Variants in MKKS observed in about 807,000 individuals in gnomAD.
MKKS encodes the protein molecular chaperone MKKS.
In MKKS, 29 loss-of-function variants were observed where a neutral mutation model predicts 33.2. That is an observed-to-expected ratio of 0.87 (90% confidence interval 0.65 to 1.19). The LOEUF is 1.19. Ranked by LOEUF, MKKS falls within the 50% of genes most tolerant of loss-of-function variation. The pLI is 0.00. For synonymous variants in MKKS, 260 were observed against 244.0 expected (o/e 1.07, Z -0.61); for missense variants, 661 against 662.3 (o/e 1.00, Z 0.02).
chr20:10,410,545 T>C (rs2064876320), intron 3 of MKKS, among the ~76,000 whole-genome samples: 1 of 152,110 alleles, frequency 6.6e-6, no homozygotes. Context: ...ACAGAATTGC[T>C]TGAACCCAGG....
intron 1 of MKKS, among the ~76,000 whole-genome samples, chr20:10,425,045 C>A (rs1253343074): frequency 6.8e-6 from 1 of 146,830 alleles, no homozygotes. Flanking sequence ...AAGAGCTAAA[C>A]TCCGTCTCAA....
At chr20:10,428,754 G>A (rs562184716) in intron 1 of MKKS, among the ~76,000 whole-genome samples, 3 of 152,252 alleles carry the variant, frequency 2.0e-5, no homozygotes, top group South Asian at 4.2e-4. Flanking sequence ...CAGGAGAATC[G>A]CTTGAATCCA....
At chr20:10,414,262 A>G in intron 2 of MKKS, among the ~76,000 whole-genome samples, 4 of 135,806 alleles carry the variant, frequency 2.9e-5, no homozygotes, top group East Asian at 2.4e-4. Flanking sequence ...TAGGTCTCTG[A>G]GTCTTTTTTT....
At position 10,413,234 on chromosome 20, in the gene MKKS, A is replaced by C. The variant is rs141181516; in HGVS notation, c.281T>G (p.Phe94Cys). 8.1e-6 allele frequency: 13 copies of C among 1,614,078 alleles called. No homozygotes were observed. In the African/African-American group the frequency reaches 1.7e-4, roughly 22 times the overall value. ...CAGGTTGCAGCAAAGAATAGCTGTG[A>C]ATAAGCCACAATCACTGAAGCTTGA... Reference protein sequence around the residue: ...HVSSFSDCGLFTAILCCNLIE... With the variant: ...HVSSFSDCGLCTAILCCNLIE... Residue 94 changes from phenylalanine to cysteine, a missense_variant, in exon 3 of 6, where the codon TTC (phenylalanine) becomes TGC (cysteine). Physicochemically the swap from Phe to Cys is radical, Grantham distance 205. Transcript: ENST00000347364.
At chr20:10,407,456 G>A (rs887414069) in intron 5 of MKKS, among the ~76,000 whole-genome samples, 160 bp downstream of exon 5, 1 of 152,096 alleles carries the variant, frequency 6.6e-6, no homozygotes, top group Admixed American at 6.6e-5. Flanking sequence ...CAGTGTTAAA[G>A]GCTACAAGTT....
intron 1 of MKKS, among the ~76,000 whole-genome samples, chr20:10,424,629 C>T (rs1001599246): frequency 1.3e-5 from 2 of 151,936 alleles, no homozygotes; most frequent in Non-Finnish European, 2.9e-5. Context: ...TGGTAGTTAG[C>T]GAGGTAATGT....
chr20:10,412,425 G>T, intron 3 of MKKS, 105 bp downstream of exon 3: 1 of 1,107,638 alleles, frequency 9.0e-7, no homozygotes, highest in Non-Finnish European at 1.4e-6. Flanking sequence ...ACACATGCTG[G>T]GTCAATTTTT....
rs1367779831 is a variant in MKKS, at chr20:10,404,778, TAA to T, written c.*467_*468del. 6.6e-6 allele frequency: 1 copy of T among 152,662 alleles called. No individual in the cohort carries two copies. Among genetic ancestry groups the T allele is most frequent in the African/African-American group, 2.4e-5 (1 of 41,462 alleles). 9.5% of individuals were successfully genotyped at this position (152,662 alleles called of 1,614,324 possible). ...GGCATGGAGAAAAGTGAAATTTTAC[TAA>T]ATGTGCAGTTTGAATACTTCTTTTG... On this transcript the variant is annotated 3_prime_UTR_variant, in exon 6 of 6. Transcript: ENST00000347364.
At chr20:10,425,754 C>A (rs1204006372) in intron 1 of MKKS, among the ~76,000 whole-genome samples, 1 of 152,156 alleles carries the variant, frequency 6.6e-6, no homozygotes, top group Non-Finnish European at 1.5e-5. Flanking sequence ...GTTTGATGCT[C>A]ATTTATTGAA....
At chr20:10,427,069 C>CACACACACACACAA (rs2065020712) in intron 1 of MKKS, among the ~76,000 whole-genome samples, 1 of 125,878 alleles carries the variant, frequency 7.9e-6, no homozygotes, top group South Asian at 2.4e-4. Context: ...CACACACACA[C>CACACACACACACAA]ACACACACAC....
chr20:10,407,759 G>A (rs1296701903), intron 4 of MKKS, 33 bp from the exon 5 acceptor site: 16 of 1,479,612 alleles, frequency 1.1e-5, no homozygotes, highest in South Asian at 2.3e-5. Flanking sequence ...AGAATCAGAC[G>A]TTCACATCAT....
At chr20:10,427,883 A>T (rs1031247991) in intron 1 of MKKS, among the ~76,000 whole-genome samples, 1 of 152,174 alleles carries the variant, frequency 6.6e-6, no homozygotes, top group African/African-American at 2.4e-5. Context: ...CCACCAAACC[A>T]TTCAAGGTCA....
chr20:10,428,616 A>G (rs3790156), intron 1 of MKKS, among the ~76,000 whole-genome samples: 125,471 of 152,104 alleles, frequency 0.82, 52,373 homozygotes, highest in African/African-American at 0.93. Flanking sequence ...AGGAAGGTGG[A>G]TCACTTGAGG....
intron 1 of MKKS, among the ~76,000 whole-genome samples, chr20:10,433,887 A>T (rs2065075563): frequency 6.6e-6 from 1 of 152,160 alleles, no homozygotes; most frequent in African/African-American, 2.4e-5. Context: ...CGCCGCCCGC[A>T]TCCGTGCCGA....
In MKKS at chr20:10,405,628, T is replaced by C. The variant is rs759624565; in HGVS notation, c.1332A>G (p.Gln444=). ...CACTGCAAAATGCTTCAGCAATTAA[T>C]TGAAGTTCTGTTTGAGTACATTCAT... The part of the protein sequence containing the change: ...KDDECTQTEL[Q]LIAEAFCSAL... The change falls in exon 6 of 6, where the codon CAA becomes CAG. Residue 444 remains glutamine (Q), a synonymous_variant. Coordinates refer to ENST00000347364, the MANE Select transcript of MKKS (RefSeq NM_170784.3). 1.8e-5 allele frequency: 29 copies of C among 1,614,088 alleles called. No homozygotes were observed. The highest frequency in any genetic ancestry group is 2.4e-5 in the Non-Finnish European group (28 of 1,180,022).
intron 2 of MKKS, among the ~76,000 whole-genome samples, chr20:10,419,401 A>G (rs2064963737): frequency 6.6e-6 from 1 of 152,216 alleles, no homozygotes; most frequent in Non-Finnish European, 1.5e-5. Flanking sequence ...GCTATATTAT[A>G]GTAAATCAAA....
chr20:10,424,703 T>C (rs2122268044), intron 1 of MKKS, among the ~76,000 whole-genome samples: 1 of 152,336 alleles, frequency 6.6e-6, no homozygotes, highest in African/African-American at 2.4e-5. Context: ...ATTTTGGGGA[T>C]ACAATTTAAA....
intron 1 of MKKS, among the ~76,000 whole-genome samples, chr20:10,433,402 T>A (rs2065069377): frequency 6.6e-6 from 1 of 152,090 alleles, no homozygotes; most frequent in Non-Finnish European, 1.5e-5. Flanking sequence ...GAACATGGAG[T>A]CAGGACCGTG....
intron 1 of MKKS, among the ~76,000 whole-genome samples, chr20:10,428,170 G>A (rs1199679110): frequency 6.6e-6 from 1 of 152,214 alleles, no homozygotes; most frequent in Non-Finnish European, 1.5e-5. Flanking sequence ...GCAAGCTGTG[G>A]TTTATCACAA....
Sources: allele counts gnomAD v4.1 joint callset (sites outside exome capture counted in the v4.1 genomes callset), GRCh38; gene constraint gnomAD v4.1.1; transcripts MANE v1.5; gene names NCBI Gene and HGNC (gene_info 2026-07-23, HGNC 2026-07-21).